The following CFAP299 variants were observed in gnomAD, a reference collection of about 807,000 sequenced individuals.
CFAP299 encodes cilia- and flagella-associated protein 299.
A neutral mutation model predicts 27.0 loss-of-function variants in CFAP299; 21 were observed. The ratio of observed to expected loss-of-function variants is 0.78; its 90% CI spans 0.55 to 1.12. CFAP299 has a LOEUF of 1.12. Ranked by LOEUF, CFAP299 falls within the 50% of genes most tolerant of loss-of-function variation. The pLI is 0.00. For missense variants in CFAP299, 310 were observed against 276.6 expected, an observed-to-expected ratio of 1.12 and a Z score of -0.86; for synonymous variants, 104 against 98.1, an observed-to-expected ratio of 1.06 and a Z score of -0.36.
chr4:80,800,462 T>TAC (rs1728422918), intron 3 of CFAP299, among the ~76,000 whole-genome samples: 1 of 12,618 alleles, frequency 7.9e-5, no homozygotes, highest in African/African-American at 1.9e-4. Flanking sequence ...TAATATAATA[T>TAC]ATAATATATA....
At chr4:80,906,050 C>A (rs1735167333) in intron 4 of CFAP299, among the ~76,000 whole-genome samples, 1 of 152,200 alleles carries the variant, frequency 6.6e-6, no homozygotes, top group Non-Finnish European at 1.5e-5. Flanking sequence ...AAGGCCCTTC[C>A]ACCTATGAGC....
At chr4:80,326,661 C>T in the CFAP299 span, among the ~76,000 whole-genome samples, 3 of 152,132 alleles carry the variant, frequency 2.0e-5, no homozygotes, top group Admixed American at 6.6e-5. Context: ...CCTTGAGGCA[C>T]TAAGTGCTTT....
intron 3 of CFAP299, among the ~76,000 whole-genome samples, chr4:80,680,453 C>A (rs1020707379): frequency 1.3e-5 from 2 of 151,946 alleles, no homozygotes; most frequent in Non-Finnish European, 2.9e-5. Flanking sequence ...TTCATATTTT[C>A]ATCTCGATAC....
chr4:80,810,755 A>G (rs1229773539), intron 3 of CFAP299, among the ~76,000 whole-genome samples: 1 of 152,092 alleles, frequency 6.6e-6, no homozygotes, highest in Non-Finnish European at 1.5e-5. Context: ...TAAACCACAC[A>G]GTTTGTGGTA....
chr4:80,431,855 A>G lies in CFAP299; in HGVS notation c.242+68971A>G, dbSNP rs560058206. 3.9e-5 allele frequency among the ~76,000 whole-genome samples: 6 copies of G among 152,260 alleles called. No homozygotes were observed. The East Asian group carries it at 1.2e-3, about 29-fold the overall frequency. On this transcript the variant is annotated intron_variant, in intron 2 of 5. Coordinates refer to ENST00000358105, the MANE Select transcript of CFAP299 (RefSeq NM_152770.3). ...TTGGGAGTGGCTTGTTCTAATAGTG[A>G]GTGTTGGGGCTGCAGCATGCCAACA...
chr4:80,905,166 A>G (rs1266138193), intron 4 of CFAP299, among the ~76,000 whole-genome samples: 2 of 152,232 alleles, frequency 1.3e-5, no homozygotes, highest in African/African-American at 4.8e-5. Context: ...AAGCTTAGTT[A>G]AATTAATAAA....
chr4:80,855,704 A>T (rs988543848), intron 3 of CFAP299, among the ~76,000 whole-genome samples: 2 of 152,064 alleles, frequency 1.3e-5, no homozygotes, highest in African/African-American at 4.8e-5. Context: ...ATGATTTCCA[A>T]TTTCATCTAT....
chr4:80,468,242 C>G (rs1397233023), intron 2 of CFAP299, among the ~76,000 whole-genome samples: 2 of 143,802 alleles, frequency 1.4e-5, no homozygotes, highest in Non-Finnish European at 3.0e-5. Context: ...TTTTTTGAGA[C>G]AGAATCTTGC....
Position 80,462,881 on chromosome 4 carries a change from G to A in CFAP299, c.242+99997G>A, listed in dbSNP as rs562187950. Among the ~76,000 whole-genome samples the A allele has an allele frequency of 3.3e-5, 5 of 151,952 alleles. No homozygotes were observed. The South Asian group carries it at 6.2e-4, about 19-fold the overall frequency. On this transcript the variant is annotated intron_variant, in intron 2 of 5. Coordinates refer to ENST00000358105, the MANE Select transcript of CFAP299 (RefSeq NM_152770.3). ...AACAGCATATATAGGAAATTTTAGG[G>A]GATTTTTAAAAAAAATCATATTACT...
At chr4:80,539,511 G>A (rs1733901191) in intron 2 of CFAP299, among the ~76,000 whole-genome samples, 1 of 152,090 alleles carries the variant, frequency 6.6e-6, no homozygotes, top group South Asian at 2.1e-4. Context: ...TGGGCTGTAG[G>A]GCCTTTAGTT....
intron 1 of CFAP299, 94 bp downstream of exon 1, chr4:80,335,973 G>A: frequency 1.2e-6 from 1 of 808,054 alleles, no homozygotes; most frequent in Non-Finnish European, 2.1e-6. Context: ...CCTGGCGCTG[G>A]ACAGCTCAGC....
At chr4:80,847,097 T>C (rs1376751197) in intron 3 of CFAP299, among the ~76,000 whole-genome samples, 2 of 152,158 alleles carry the variant, frequency 1.3e-5, no homozygotes, top group African/African-American at 4.8e-5. Flanking sequence ...AAGCATAGTA[T>C]AGTAGTAAGA....
At chr4:80,922,349 A>T (rs1275410100) in intron 4 of CFAP299, among the ~76,000 whole-genome samples, 4 of 152,086 alleles carry the variant, frequency 2.6e-5, no homozygotes, top group Non-Finnish European at 4.4e-5. Context: ...AAACATACAA[A>T]GGTAAGAAAA....
intron 2 of CFAP299, among the ~76,000 whole-genome samples, chr4:80,570,016 T>A (rs1415691994): frequency 1.3e-5 from 2 of 152,030 alleles, no homozygotes; most frequent in Non-Finnish European, 2.9e-5. Flanking sequence ...TAAGAGTTCT[T>A]TTTTTGACAT....
At chr4:80,604,859 A>G (rs1452642379) in intron 3 of CFAP299, among the ~76,000 whole-genome samples, 1 of 149,568 alleles carries the variant, frequency 6.7e-6, no homozygotes, top group Admixed American at 6.7e-5. Flanking sequence ...ACTTTGTATC[A>G]GACACTTGTC....
intron 2 of CFAP299, among the ~76,000 whole-genome samples, chr4:80,461,904 C>T (rs916485231): frequency 3.3e-5 from 5 of 152,102 alleles, no homozygotes; most frequent in Non-Finnish European, 7.4e-5. Context: ...AACTCCTGCC[C>T]ACTTCCCTCC....
chr4:80,548,591 A>C (rs1403710346), intron 2 of CFAP299, among the ~76,000 whole-genome samples: 2 of 152,118 alleles, frequency 1.3e-5, no homozygotes, highest in South Asian at 2.1e-4. Flanking sequence ...CTGCCTACAT[A>C]ACAGATATAA....
intron 3 of CFAP299, among the ~76,000 whole-genome samples, chr4:80,641,132 ATATATC>A (rs1739702525): frequency 6.6e-6 from 1 of 152,198 alleles, no homozygotes; most frequent in Non-Finnish European, 1.5e-5. Context: ...ATACAACATT[ATATATC>A]TATATTTTAA....
chr4:80,911,775 G>C (rs569003144), intron 4 of CFAP299, among the ~76,000 whole-genome samples: 1 of 152,186 alleles, frequency 6.6e-6, no homozygotes, highest in East Asian at 1.9e-4. Flanking sequence ...AGCACTTCTT[G>C]AAGGGAAAAT....
Sources: allele counts gnomAD v4.1 joint callset (sites outside exome capture counted in the v4.1 genomes callset), GRCh38; gene constraint gnomAD v4.1.1; transcripts MANE v1.5; gene names NCBI Gene and HGNC (gene_info 2026-07-23, HGNC 2026-07-21).